Variants in ZNF107 observed in about 807,000 individuals in gnomAD.
ZNF107 encodes C2H2 type zinc-finger protein.
ZNF107 carries 19 observed loss-of-function variants against 12.3 expected under a neutral mutation model. The observed-to-expected ratio is 1.55, with a 90% CI of 1.08 to 2.27. The LOEUF (loss-of-function observed/expected upper bound fraction) is 2.27. Ranked by LOEUF, ZNF107 falls within the 30% of genes most tolerant of loss-of-function variation. The pLI is 0.00. For missense variants in ZNF107, 958 were observed against 979.9 expected, an observed-to-expected ratio of 0.98 and a Z score of 0.30; for synonymous variants, 317 against 330.5, an observed-to-expected ratio of 0.96 and a Z score of 0.44.
At chr7:64,674,292 G>A (rs948816746) in intron 1 of ZNF107, among the ~76,000 whole-genome samples, 3 of 152,100 alleles carry the variant, frequency 2.0e-5, no homozygotes, top group African/African-American at 4.8e-5. Flanking sequence ...ACTTCTTTAA[G>A]CAGTGTTTTG....
intron 3 of ZNF107, among the ~76,000 whole-genome samples, chr7:64,698,874 G>T (rs952986540): frequency 2.6e-5 from 4 of 152,058 alleles, no homozygotes; most frequent in African/African-American, 9.7e-5. Context: ...ATGGTTCAAA[G>T]AAATGATCCA....
rs921250270 is a variant in ZNF107, at chr7:64,710,450, A to G, written c.*1794A>G. On this transcript the variant is annotated 3_prime_UTR_variant, in exon 4 of 4. Transcript: ENST00000620827. ...CCAAAATTAAGTCTATATAAATATC[A>G]GAGAATTCACAGTAGAAATATCTAA... The G allele has an allele frequency of 6.6e-6, 1 of 152,344 alleles. No individual in the cohort carries two copies. The highest frequency in any genetic ancestry group is 1.9e-4 in the East Asian group (1 of 5,190). 9.4% of individuals were successfully genotyped at this position (152,344 alleles called of 1,614,324 possible).
chr7:64,688,895 TAATC>T (rs1427933930), intron 1 of ZNF107, among the ~76,000 whole-genome samples: 5 of 152,146 alleles, frequency 3.3e-5, no homozygotes, highest in Admixed American at 6.6e-5. Context: ...ATCCAATCAA[TAATC>T]AATCTTATTT....
chr7:64,684,139 A>G (rs1436918779), intron 1 of ZNF107, among the ~76,000 whole-genome samples: 1 of 152,160 alleles, frequency 6.6e-6, no homozygotes, highest in African/African-American at 2.4e-5. Context: ...CAACTCCGAA[A>G]GGACTGGACT....
chr7:64,677,461 C>T (rs1315483686), intron 1 of ZNF107, among the ~76,000 whole-genome samples: 4 of 81,952 alleles, frequency 4.9e-5, no homozygotes, highest in South Asian at 5.2e-4. Context: ...CATGAGCCAC[C>T]GCACCTCGCC....
At chr7:64,698,315 A>C (rs1196883880) in intron 3 of ZNF107, among the ~76,000 whole-genome samples, 4 of 152,170 alleles carry the variant, frequency 2.6e-5, no homozygotes. Flanking sequence ...ATTAACTTCT[A>C]TCACATGTGA....
chr7:64,693,278 G>C (rs1790180798), intron 3 of ZNF107, among the ~76,000 whole-genome samples: 1 of 147,852 alleles, frequency 6.8e-6, no homozygotes. Flanking sequence ...CTCCCAAAGT[G>C]CTGGGATTAC....
At position 64,684,194 on chromosome 7, in the gene ZNF107, T is replaced by C. The variant is rs138831577; in HGVS notation, c.4-7054T>C. On this transcript the variant is annotated intron_variant, in intron 1 of 3. Transcript: ENST00000620827. ...TTCTCAGGATCTGAGCCACCGCCCA[T>C]GAACCTACCAGGTATAGCCCATTCG... Among the ~76,000 whole-genome samples the C allele has an allele frequency of 3.8e-3, 584 of 152,288 alleles. 3 individuals are homozygous for C. The highest frequency in any genetic ancestry group is 0.012 in the African/African-American group (504 of 41,546).
intron 3 of ZNF107, among the ~76,000 whole-genome samples, chr7:64,697,374 A>G (rs1424651056): frequency 1.3e-5 from 2 of 152,192 alleles, no homozygotes; most frequent in African/African-American, 4.8e-5. Flanking sequence ...CTAGTTCTAG[A>G]TCCCTGAGGA....
rs183332787 is a variant in ZNF107 at position 64,710,147 on chromosome 7, A to G, written c.*1491A>G. ...TTCGTCTCAAAAACAAAACAAAAAA[A>G]GAGTATTCATTGTGAGGACAAACAA... On this transcript the variant is annotated 3_prime_UTR_variant, in exon 4 of 4. Transcript: ENST00000620827. 241 of 162,910 alleles carry G rather than the reference A, an allele frequency of 1.5e-3. No individual in the cohort carries two copies. The highest frequency in any genetic ancestry group is 3.2e-3 in the Admixed American group (50 of 15,706). 10.1% of individuals were successfully genotyped at this position (162,910 alleles called of 1,614,324 possible). A position where few individuals can be genotyped will look rare whatever the true frequency, so the allele number is the denominator to read the frequency against.
intron 1 of ZNF107, chr7:64,686,705 A>G: frequency 1.1e-6 from 1 of 942,316 alleles, no homozygotes. Flanking sequence ...AAAGAAGAAC[A>G]ACGGGTTTCT....
chr7:64,668,204 G>A (rs188439447), intron 1 of ZNF107, among the ~76,000 whole-genome samples: 7 of 151,446 alleles, frequency 4.6e-5, no homozygotes, highest in Admixed American at 6.6e-5. Flanking sequence ...TGTGCATAAC[G>A]TGCAGGTTTG....
rs1790848446 is a variant in ZNF107, at chr7:64,710,477, G to A, written c.*1821G>A. On this transcript the variant is annotated 3_prime_UTR_variant, in exon 4 of 4. Coordinates refer to ENST00000620827, the MANE Select transcript of ZNF107 (RefSeq NM_001282359.2). ...AGAATTCACAGTAGAAATATCTAAG[G>A]TACTGACACTTCAGACATTGCTGAG... 2 of 152,048 alleles carry A rather than the reference G, an allele frequency of 1.3e-5. No individual in the cohort carries two copies. Among genetic ancestry groups the A allele is most frequent in the African/African-American group, 2.4e-5 (1 of 41,404 alleles). 9.4% of individuals were successfully genotyped at this position (152,048 alleles called of 1,614,324 possible).
At chr7:64,704,532 C>G (rs531105848) in intron 3 of ZNF107, among the ~76,000 whole-genome samples, 2 of 152,288 alleles carry the variant, frequency 1.3e-5, no homozygotes, top group East Asian at 3.9e-4. Flanking sequence ...GCACGAGACA[C>G]CGCGCCTGGC....
In ZNF107 at chr7:64,706,913, T is replaced by C. The variant is rs1562845855; in HGVS notation, c.816T>C (p.Leu272=). 1 of 1,612,512 alleles carries C rather than the reference T, an allele frequency of 6.2e-7. No homozygotes were observed. The highest frequency in any genetic ancestry group is 8.5e-7 in the Non-Finnish European group (1 of 1,179,486). The change falls in exon 4 of 4, where the codon CTT becomes CTC. Residue 272 remains leucine (L), a synonymous_variant. Coordinates refer to ENST00000620827, the MANE Select transcript of ZNF107 (RefSeq NM_001282359.2). ...CGKAFKQASH[L]TIHKIIHTGE... ...AGGCCTTTAAACAGGCCTCACACCT[T>C]ACTATACATAAAATAATTCATACTG...
chr7:64,686,935 A>G, intron 1 of ZNF107: 1 of 985,458 alleles, frequency 1.0e-6, no homozygotes, highest in Non-Finnish European at 1.2e-6. Context: ...ACACACACTT[A>G]CAAAATTCTG....
chr7:64,697,270 A>T (rs1790324013), intron 3 of ZNF107, among the ~76,000 whole-genome samples: 1 of 152,194 alleles, frequency 6.6e-6, no homozygotes, highest in Non-Finnish European at 1.5e-5. Context: ...TAGTGCCACA[A>T]TAAACATACA....
At chr7:64,686,278 G>T (rs935392924) in intron 1 of ZNF107, among the ~76,000 whole-genome samples, 2 of 152,180 alleles carry the variant, frequency 1.3e-5, no homozygotes, top group Admixed American at 1.3e-4. Flanking sequence ...GCTGGGCGTT[G>T]TGGCTTCTCC....
At chr7:64,687,986 C>T (rs1335391705) in intron 1 of ZNF107, among the ~76,000 whole-genome samples, 1 of 152,166 alleles carries the variant, frequency 6.6e-6, no homozygotes, top group Non-Finnish European at 1.5e-5. Context: ...AGTCAACTCA[C>T]AATTGTGCTG....
Sources: allele counts gnomAD v4.1 joint callset (sites outside exome capture counted in the v4.1 genomes callset), GRCh38; gene constraint gnomAD v4.1.1; transcripts MANE v1.5; gene names NCBI Gene and HGNC (gene_info 2026-07-23, HGNC 2026-07-21).